RALGDS: variants seen among roughly 807,000 people sequenced by gnomAD.
RALGDS encodes the protein ral guanine nucleotide exchange factor.
In RALGDS, 44 loss-of-function variants were observed where a neutral mutation model predicts 99.8. That is an observed-to-expected ratio of 0.44 (90% confidence interval 0.35 to 0.57). The LOEUF is 0.57. Ranked by LOEUF, RALGDS falls within the 20% of genes least tolerant of loss-of-function variation. The probability of loss-of-function intolerance (pLI) is 0.01; values close to 1 mark genes in which losing one functional copy is unlikely to be tolerated. For missense variants in RALGDS, 1,022 were observed against 1,203.1 expected (o/e 0.85, Z 2.23); for synonymous variants, 529 against 505.0 (o/e 1.05, Z -0.64).
chr9:133,103,505 C>T (rs970083842), intron 11 of RALGDS, among the ~76,000 whole-genome samples: 4 of 152,160 alleles, frequency 2.6e-5, no homozygotes, highest in African/African-American at 9.7e-5. Flanking sequence ...TCAGCCACCA[C>T]GTGCCGCCTG....
At chr9:133,106,593 G>A (rs1341562589) in intron 8 of RALGDS, 52 bp downstream of exon 8, 3 of 1,390,926 alleles carry the variant, frequency 2.2e-6, no homozygotes, top group Non-Finnish European at 3.0e-6. Context: ...GGTGATGCCA[G>A]CCCTGTGGGA....
chr9:133,124,807 CA>C (rs1022155127), upstream of RALGDS, among the ~76,000 whole-genome samples: 3 of 152,234 alleles, frequency 2.0e-5, no homozygotes, highest in African/African-American at 4.8e-5. Context: ...TAACCAAGGG[CA>C]AGGCCATCCT....
At chr9:133,134,318 G>A (rs188551775), upstream of RALGDS, among the ~76,000 whole-genome samples, 7 of 152,306 alleles carry the variant, frequency 4.6e-5, no homozygotes, top group East Asian at 5.8e-4. Flanking sequence ...TTCTTGCCAC[G>A]TTCAGAAGCC....
At chr9:133,141,407 C>T (rs1197899825) in intron 1 of RALGDS, among the ~76,000 whole-genome samples, 2 of 152,154 alleles carry the variant, frequency 1.3e-5, no homozygotes, top group African/African-American at 4.8e-5. Flanking sequence ...GTGCCCAAGT[C>T]TGGGTGCAGG....
chr9:133,102,539 G>A lies in RALGDS; in HGVS notation c.1946C>T (p.Ser649Phe). ...YNLSCELEPPSESASNTLRTK... is the reference protein window; with the variant it reads ...YNLSCELEPPFESASNTLRTK... ...CCTGAGGGTGTTGCTGGCTGACTCG[G>A]ATGGGGGCTCCAGCTCGCACGACAG... The change falls in exon 14 of 18, where the codon TCC (serine) becomes TTC (phenylalanine). Residue 649 changes from serine to phenylalanine, a missense_variant. Transcript: ENST00000372050. The A allele has an allele frequency of 6.2e-7, 1 of 1,614,118 alleles. No homozygotes were observed. The highest frequency in any genetic ancestry group is 8.5e-7 in the Non-Finnish European group (1 of 1,180,038).
rs994540225 is a variant in RALGDS, at chr9:133,107,295, C to T, written c.1203G>A (p.Leu401=). 4.3e-6 allele frequency: 7 copies of T among 1,613,050 alleles called. No homozygotes were observed. The highest frequency in any genetic ancestry group is 5.9e-6 in the Non-Finnish European group (7 of 1,179,662). ...AEQFTLMDAE[L]FKKVVPYHCL... Reference sequence around the variant, plus strand: ...AGTGGTAGGGCACCACCTTCTTGAACAGTTCCTGGGGAGGAGGCTAAATGT... The same window carrying T: ...AGTGGTAGGGCACCACCTTCTTGAATAGTTCCTGGGGAGGAGGCTAAATGT... Residue 401 remains leucine (L), a synonymous_variant, in exon 7 of 18, where the codon CTG becomes CTA. Coordinates refer to ENST00000372050, the MANE Select transcript of RALGDS (RefSeq NM_006266.4).
chr9:133,124,423 C>G (rs1391893109), upstream of RALGDS, among the ~76,000 whole-genome samples: 1 of 152,174 alleles, frequency 6.6e-6, no homozygotes, highest in African/African-American at 2.4e-5. Flanking sequence ...TGGCTCATGC[C>G]TGTAACCCAG....
intron 17 of RALGDS, chr9:133,099,969 A>T (rs2773828): frequency 7.7e-5 from 35 of 455,320 alleles, no homozygotes; most frequent in South Asian, 3.2e-4. Context: ...AGCCAGAAAG[A>T]GTCCCTTCCA....
rs1271379343 is a variant in RALGDS, at chr9:133,110,476, G to C, written c.308C>G (p.Ser103Trp). The stretch of plus-strand genomic sequence containing the variant: ...GCAAGTCTCATAAAGGTTCAGGGCC[G>C]ACTCATTCTCATACTGGGGTGGGAC... ...GQRWLGYENESALNLYETCKV... is the reference protein window; with the variant it reads ...GQRWLGYENEWALNLYETCKV... The change falls in exon 3 of 18, where the codon TCG (serine) becomes TGG (tryptophan). Residue 103 changes from serine (S) to tryptophan (W), a missense_variant. Ser to Trp is a radical substitution (Grantham distance 177). This residue lies in a region of RALGDS where 180 missense variants were observed against 169.3 expected (regional missense o/e 1.06). Transcript: ENST00000372050. The C allele has an allele frequency of 1.9e-6, 3 of 1,612,218 alleles. No homozygotes were observed. Among genetic ancestry groups the C allele is most frequent in the Non-Finnish European group, 2.5e-6 (3 of 1,179,144 alleles).
Position 133,101,634 on chromosome 9 carries a change from T to C in RALGDS, c.2340A>G (p.Ser780=), listed in dbSNP as rs377526998. The change falls in exon 16 of 18, where the codon TCA becomes TCG. Residue 780 remains serine (S), a synonymous_variant. Coordinates refer to ENST00000372050, the MANE Select transcript of RALGDS (RefSeq NM_006266.4). Reference sequence around the variant, plus strand: ...GCGCGGAGCTGGAGTTGCAGAGCCCTGAGACAGAGCGCTTGTGGGTGCGTG... The same window carrying C: ...GCGCGGAGCTGGAGTTGCAGAGCCCCGAGACAGAGCGCTTGTGGGTGCGTG... ...AATRTHKRSV[S]GLCNSSSALP... is the part of the protein sequence containing the mutation. 29 of 1,613,640 alleles carry C rather than the reference T, an allele frequency of 1.8e-5. No homozygotes were observed. Among genetic ancestry groups the C allele is most frequent in the African/African-American group, 1.3e-5 (1 of 74,952 alleles).
chr9:133,145,250 T>C (rs761060882), intron 1 of RALGDS, among the ~76,000 whole-genome samples: 1 of 152,044 alleles, frequency 6.6e-6, no homozygotes, highest in Non-Finnish European at 1.5e-5. Context: ...CTCTGTGCCA[T>C]CACCACACCT....
At chr9:133,139,919 G>A (rs924382389) in intron 1 of RALGDS, among the ~76,000 whole-genome samples, 1 of 152,122 alleles carries the variant, frequency 6.6e-6, no homozygotes, top group Non-Finnish European at 1.5e-5. Context: ...CCACTTGTCT[G>A]GGTCCCCTGA....
chr9:133,121,268 G>A (rs1052998561), upstream of RALGDS: 2 of 983,452 alleles, frequency 2.0e-6, no homozygotes, highest in Admixed American at 1.2e-4. Context: ...CCCTGCTGAT[G>A]TCAGGCTGGG....
intron 11 of RALGDS, 90 bp from the exon 12 acceptor site, chr9:133,103,352 C>G (rs1410309831): frequency 1.3e-6 from 2 of 1,527,336 alleles, no homozygotes; most frequent in African/African-American, 1.4e-5. Flanking sequence ...AGAGTGCCCA[C>G]CAGGGGGCAG....
chr9:133,100,237 T>C (rs754016438), intron 17 of RALGDS, 31 bp downstream of exon 17: 2 of 1,598,306 alleles, frequency 1.3e-6, no homozygotes, highest in African/African-American at 2.7e-5. Flanking sequence ...ACCTGCCCCC[T>C]CTGCCATCGC....
At chr9:133,106,439 C>T (rs142186083) in intron 8 of RALGDS, among the ~76,000 whole-genome samples, 11 of 152,238 alleles carry the variant, frequency 7.2e-5, no homozygotes, top group East Asian at 1.9e-4. Context: ...GGCTACAACA[C>T]GAATACCTGA....
intron 9 of RALGDS, among the ~76,000 whole-genome samples, chr9:133,104,753 A>G (rs1830931973): frequency 1.3e-5 from 2 of 152,174 alleles, no homozygotes; most frequent in South Asian, 4.1e-4. Flanking sequence ...TGGGGATTGC[A>G]GTGAGCCGAG....
chr9:133,109,108 C>A (rs756217452), intron 4 of RALGDS, among the ~76,000 whole-genome samples: 20 of 152,250 alleles, frequency 1.3e-4, no homozygotes, highest in Non-Finnish European at 2.8e-4. Context: ...AATGTAAACT[C>A]CATGAGGGAT....
intron 15 of RALGDS, 68 bp from the exon 16 acceptor site, chr9:133,101,830 G>A: frequency 7.1e-6 from 11 of 1,554,818 alleles, no homozygotes; most frequent in Non-Finnish European, 9.6e-6. Flanking sequence ...GCTGCCAGAT[G>A]GGGAACCTTC....
Sources: gnomAD v4.1 joint callset for allele counts (sites outside exome capture counted in the v4.1 genomes callset) on GRCh38, gnomAD v4.1.1 for gene constraint, gnomAD v4.1.1 regional missense constraint, MANE v1.5 for transcripts, NCBI Gene and HGNC (gene_info 2026-07-23, HGNC 2026-07-21) for gene names.